Variants in SLC2A11 observed in about 807,000 individuals in gnomAD.
The protein encoded by SLC2A11 is solute carrier family 2, facilitated glucose transporter member 11.
In SLC2A11, 43 loss-of-function variants were observed where a neutral mutation model predicts 52.1. The observed-to-expected ratio is 0.82, with a 90% CI of 0.65 to 1.06. The LOEUF (loss-of-function observed/expected upper bound fraction) is 1.06. Ranked by LOEUF, SLC2A11 falls within the 50% of genes least tolerant of loss-of-function variation. The pLI is 0.00. For missense variants in SLC2A11, 582 were observed against 654.2 expected (o/e 0.89, Z 1.20); for synonymous variants, 261 against 277.6 (o/e 0.94, Z 0.59).
intron 6 of SLC2A11, 60 bp from the exon 7 acceptor site, chr22:23,882,398 TG>T: frequency 7.0e-7 from 1 of 1,423,234 alleles, no homozygotes; most frequent in Non-Finnish European, 9.3e-7. Flanking sequence ...GGGGCGTCCC[TG>T]TAGGGGGACC....
At chr22:23,868,690 G>A (rs370546264) in intron 3 of SLC2A11, 49 bp downstream of exon 3, 47 of 1,601,000 alleles carry the variant, frequency 2.9e-5, no homozygotes, top group Non-Finnish European at 3.9e-5. Context: ...GAGGAGCGCT[G>A]CAGCCTGCAG....
At chr22:23,877,305 C>G (rs2032648511) in intron 5 of SLC2A11, 134 bp downstream of exon 5, 1 of 1,451,590 alleles carries the variant, frequency 6.9e-7, no homozygotes, top group South Asian at 1.2e-5. Context: ...AATCCTCTAT[C>G]CACATCTCTG....
chr22:23,868,689 T>C, intron 3 of SLC2A11, 48 bp downstream of exon 3: 1 of 1,601,480 alleles, frequency 6.2e-7, no homozygotes, highest in Non-Finnish European at 8.5e-7. Flanking sequence ...TGAGGAGCGC[T>C]GCAGCCTGCA....
rs762801382 is a variant in SLC2A11, at chr22:23,884,786, C to A, written c.1437C>A (p.Phe479Leu). 4 of 1,614,192 alleles carry A rather than the reference C, an allele frequency of 2.5e-6. No individual in the cohort carries two copies. Among genetic ancestry groups the A allele is most frequent in the Non-Finnish European group, 3.4e-6 (4 of 1,180,034 alleles). Residue 479 changes from phenylalanine to leucine, a missense_variant, in exon 12 of 12, where the codon TTC becomes TTA. Physicochemically the swap from Phe to Leu is conservative, Grantham distance 22. Coordinates refer to ENST00000316185, the MANE Select transcript of SLC2A11 (RefSeq NM_001024939.4). This position sits in a 1 kb window ranked among gnomAD's most constrained non-coding sequence, Gnocchi z 4.3. ...EISKELHRLNFPRRAQGPTWR... is the reference protein window; with the variant it reads ...EISKELHRLNLPRRAQGPTWR... ...CCAAGGAATTACACAGACTCAACTTCCCCAGGCGGGCCCAGGGCCCCACGT... is the reference window on the plus strand; with the variant it reads ...CCAAGGAATTACACAGACTCAACTTACCCAGGCGGGCCCAGGGCCCCACGT...
At chr22:23,882,422 G>T in intron 6 of SLC2A11, 37 bp from the exon 7 acceptor site, 1 of 1,477,886 alleles carries the variant, frequency 6.8e-7, no homozygotes. Context: ...AGAGGGGCTT[G>T]GGGACGGGGA....
At chr22:23,883,119 C>T (rs66537628) in intron 8 of SLC2A11, 5 of 524,738 alleles carry the variant, frequency 9.5e-6, no homozygotes, top group Admixed American at 2.9e-5. Context: ...AAAATTATCC[C>T]GGCGTGGTGG....
intron 4 of SLC2A11, among the ~76,000 whole-genome samples, chr22:23,876,752 G>A (rs982579018): frequency 2.0e-5 from 3 of 152,064 alleles, no homozygotes; most frequent in Admixed American, 1.3e-4. Context: ...TCCCAGTGAT[G>A]GGACCTAGGA....
chr22:23,868,757 C>T (rs552881644), intron 3 of SLC2A11, 116 bp downstream of exon 3: 11 of 1,225,280 alleles, frequency 9.0e-6, no homozygotes, highest in South Asian at 1.5e-5. Flanking sequence ...AGATCAGCTC[C>T]TCATCCAGCC....
Position 23,857,902 on chromosome 22 carries a change from G to T in SLC2A11, c.-98G>T, listed in dbSNP as rs528010828. On this transcript the variant is annotated 5_prime_UTR_variant, in exon 1 of 12. Coordinates refer to ENST00000316185, the MANE Select transcript of SLC2A11 (RefSeq NM_001024939.4). ...CTTTCACCACTGGGCGCTGCGCGCT[G>T]CCCTTCCCTCCGCGCACAGGCTGCC... The T allele has an allele frequency of 5.5e-5, 86 of 1,572,778 alleles. 1 individual carries two copies. The South Asian group carries it at 9.7e-4, about 18-fold the overall frequency.
Position 23,883,910 on chromosome 22 carries a change from G to A in SLC2A11, c.1095+37G>A, listed in dbSNP as rs781084523. 6.7e-5 allele frequency: 108 copies of A among 1,610,308 alleles called. No homozygotes were observed. In the Admixed American group the frequency reaches 8.1e-4, roughly 12 times the overall value. On this transcript the variant is annotated intron_variant, in intron 9 of 11. Coordinates refer to ENST00000316185, the MANE Select transcript of SLC2A11 (RefSeq NM_001024939.4). ...GGATGAGGGCTGGGGGGTCCAGGCC[G>A]GGCTGACTTCCACCTCACCCCCGCC... is the stretch of plus-strand genomic sequence containing the variant.
Position 23,884,616 on chromosome 22 carries a change from A to T in SLC2A11, c.1300-33A>T. On this transcript the variant is annotated intron_variant, in intron 11 of 11. Transcript: ENST00000316185. This position sits in a 1 kb window ranked among gnomAD's most constrained non-coding sequence, Gnocchi z 4.3. ...CTTCTGTTTAGGGGTTGATGGAGAC[A>T]CACCAGGTCTTGGGGTCTTTTTTAA... 6.3e-7 allele frequency: 1 copy of T among 1,595,610 alleles called. No homozygotes were observed. Among genetic ancestry groups the T allele is most frequent in the Non-Finnish European group, 8.5e-7 (1 of 1,170,854 alleles).
chr22:23,857,349 T>A, upstream of SLC2A11: 3 of 1,372,000 alleles, frequency 2.2e-6, no homozygotes, highest in Non-Finnish European at 3.0e-6. Flanking sequence ...AGTCGCTTGC[T>A]GGCACTTGCG....
At chr22:23,883,928 C>A (rs769890210) in intron 9 of SLC2A11, 21 bp from the exon 10 acceptor site, 5 of 1,611,790 alleles carry the variant, frequency 3.1e-6, no homozygotes, top group Middle Eastern at 1.7e-4. Context: ...TTCCACCTCA[C>A]CCCCGCCCCG....
chr22:23,858,637 A>G lies in SLC2A11; in HGVS notation c.30+608A>G, dbSNP rs556760076. Among the ~76,000 whole-genome samples, 9 of 152,334 alleles carry G rather than the reference A, an allele frequency of 5.9e-5. No homozygotes were observed. The South Asian group carries it at 1.9e-3, about 32-fold the overall frequency. On this transcript the variant is annotated intron_variant, in intron 1 of 11. Transcript: ENST00000316185. ...GGATCGCCCAGGAGTTCGAAGCTGC[A>G]GGGATCTAATAGGATCTCACCACTG...
chr22:23,857,332 C>T (rs17637865), upstream of SLC2A11: 83,470 of 1,226,780 alleles, frequency 0.068, 3,407 homozygotes, highest in Middle Eastern at 0.093. Flanking sequence ...GGGAGCGCGG[C>T]GACCAGAGTC....
chr22:23,858,056 C>G, intron 1 of SLC2A11, 27 bp downstream of exon 1: 3 of 1,553,164 alleles, frequency 1.9e-6, no homozygotes, highest in Non-Finnish European at 2.6e-6. Flanking sequence ...TTGCCCAGAC[C>G]AGGCGTTTCA....
At chr22:23,868,146 A>AGT in intron 2 of SLC2A11, 1 of 358,680 alleles carries the variant, frequency 2.8e-6, no homozygotes, top group Admixed American at 4.0e-5. Context: ...CCGGAGAGTT[A>AGT]GAGAATTGCT....
At chr22:23,860,281 GTGTGTGCC>G (rs1321644580) in intron 1 of SLC2A11, among the ~76,000 whole-genome samples, 1 of 152,004 alleles carries the variant, frequency 6.6e-6, no homozygotes, top group East Asian at 1.9e-4. Context: ...CAGCATGATG[GTGTGTGCC>G]TGTAGTCCCA....
Position 23,863,141 on chromosome 22 carries a change from C to T in SLC2A11, c.129+939C>T, listed in dbSNP as rs1030815608. On this transcript the variant is annotated intron_variant, in intron 2 of 11. Coordinates refer to ENST00000316185, the MANE Select transcript of SLC2A11 (RefSeq NM_001024939.4). ...CCAAAGCAAGTTAAGTATAGTTCCT[C>T]AAATACCTATGACACAGCCCTTCCT... is the stretch of plus-strand genomic sequence containing the variant. Among the ~76,000 whole-genome samples, 5 of 152,226 alleles carry T rather than the reference C, an allele frequency of 3.3e-5. No homozygotes were observed. In the East Asian group the frequency reaches 7.7e-4, roughly 23 times the overall value.
Sources: allele counts gnomAD v4.1 joint callset (sites outside exome capture counted in the v4.1 genomes callset), GRCh38; gene constraint gnomAD v4.1.1; non-coding constraint Gnocchi (gnomAD v3.1); transcripts MANE v1.5; gene names NCBI Gene and HGNC (gene_info 2026-07-23, HGNC 2026-07-21).